DLG2: variants seen among roughly 807,000 people sequenced by gnomAD.
DLG2 encodes discs large MAGUK scaffold protein 2.
Under a neutral mutation model 132.5 loss-of-function variants are expected in DLG2, and 45 were observed. The observed-to-expected ratio is 0.34, with a 90% CI of 0.27 to 0.44. DLG2 has a LOEUF of 0.44. Among genes scored for constraint, DLG2 ranks in the 20% least tolerant of loss-of-function variants. DLG2 has a pLI of 1.00. For synonymous variants in DLG2, 424 were observed against 419.6 expected, an observed-to-expected ratio of 1.01 and a Z score of -0.13; for missense variants, 1,045 against 1,196.9, an observed-to-expected ratio of 0.87 and a Z score of 1.87.
At chr11:83,639,540 A>G (rs1381348369) in intron 18 of DLG2, among the ~76,000 whole-genome samples, 1 of 134,308 alleles carries the variant, frequency 7.4e-6, no homozygotes, top group Admixed American at 8.4e-5. Context: ...TCTCACTCAT[A>G]GGTGGGAATT....
intron 6 of DLG2, among the ~76,000 whole-genome samples, chr11:84,624,374 ATAAC>A (rs2099618715): frequency 6.6e-6 from 1 of 152,194 alleles, no homozygotes; most frequent in South Asian, 2.1e-4. Flanking sequence ...CTTTATTTCA[ATAAC>A]TAAATTGATA....
chr11:85,425,152 TC>T (rs1314221370), intron 3 of DLG2, among the ~76,000 whole-genome samples: 1 of 152,184 alleles, frequency 6.6e-6, no homozygotes. Flanking sequence ...TTCCAGGTCT[TC>T]TGATAGATGT....
At chr11:85,618,677 T>C (rs2081502314) in intron 2 of DLG2, among the ~76,000 whole-genome samples, 1 of 152,128 alleles carries the variant, frequency 6.6e-6, no homozygotes, top group African/African-American at 2.4e-5. Flanking sequence ...ACAGAATCAT[T>C]CATATCCAAA....
chr11:84,789,047 CAA>C (rs1450802076), intron 6 of DLG2, among the ~76,000 whole-genome samples: 2 of 152,140 alleles, frequency 1.3e-5, no homozygotes, highest in Admixed American at 6.5e-5. Flanking sequence ...GGAAGTGAAA[CAA>C]AGAGAGACAT....
intron 3 of DLG2, among the ~76,000 whole-genome samples, chr11:85,399,438 T>G (rs997625198): frequency 1.3e-5 from 2 of 152,134 alleles, no homozygotes; most frequent in Non-Finnish European, 1.5e-5. Context: ...TATTTTAAAG[T>G]TCATATGGAA....
At chr11:84,010,441 T>C (rs1052706799) in intron 11 of DLG2, among the ~76,000 whole-genome samples, 2 of 151,920 alleles carry the variant, frequency 1.3e-5, no homozygotes, top group African/African-American at 4.8e-5. Context: ...TCCAGGTGCA[T>C]ACGACTACCC....
chr11:85,166,415 CA>C (rs1349769356), intron 4 of DLG2, among the ~76,000 whole-genome samples: 1 of 152,102 alleles, frequency 6.6e-6, no homozygotes, highest in African/African-American at 2.4e-5. Flanking sequence ...TAAATGCAAT[CA>C]TTTTTTTTTC....
intron 7 of DLG2, among the ~76,000 whole-genome samples, chr11:84,289,403 T>C (rs565582686): frequency 1.3e-5 from 2 of 152,078 alleles, no homozygotes; most frequent in Non-Finnish European, 2.9e-5. Context: ...AAAAATTTCA[T>C]TGTAGCACTG....
intron 3 of DLG2, among the ~76,000 whole-genome samples, chr11:85,498,930 C>T (rs766740270): frequency 7.9e-5 from 12 of 152,156 alleles, no homozygotes; most frequent in Non-Finnish European, 1.8e-4. Flanking sequence ...CTCTGGGACA[C>T]ATTTAAAGCA....
intron 3 of DLG2, chr11:85,336,022 G>T (rs1444667836): frequency 1.3e-5 from 2 of 152,144 alleles, no homozygotes; most frequent in Non-Finnish European, 2.9e-5. Flanking sequence ...CCCTTGTAAG[G>T]TTTCACTGAA....
At chr11:84,574,978 C>T (rs1297228536) in intron 6 of DLG2, among the ~76,000 whole-genome samples, 2 of 152,152 alleles carry the variant, frequency 1.3e-5, no homozygotes, top group Admixed American at 6.5e-5. Flanking sequence ...CATCCCTCCT[C>T]ACAATGACTC....
intron 9 of DLG2, among the ~76,000 whole-genome samples, chr11:84,134,259 G>A (rs2094522540): frequency 6.6e-6 from 1 of 152,048 alleles, no homozygotes; most frequent in Admixed American, 6.6e-5. Context: ...GGTAGAAACA[G>A]TCTTCCTGAG....
At chr11:84,117,246 T>C (rs1405655978) in intron 9 of DLG2, among the ~76,000 whole-genome samples, 1 of 152,232 alleles carries the variant, frequency 6.6e-6, no homozygotes, top group African/African-American at 2.4e-5. Context: ...AGTATATGTG[T>C]ATTTGCCTTA....
chr11:83,575,098 A>C (rs1386558336), intron 19 of DLG2, among the ~76,000 whole-genome samples: 1 of 152,228 alleles, frequency 6.6e-6, no homozygotes, highest in Non-Finnish European at 1.5e-5. Flanking sequence ...GGTAGTGAGC[A>C]GCTTTCATCT....
intron 3 of DLG2, among the ~76,000 whole-genome samples, chr11:85,591,045 G>A (rs1364349842): frequency 1.3e-5 from 2 of 152,148 alleles, no homozygotes; most frequent in Non-Finnish European, 2.9e-5. Flanking sequence ...GCCATCTGGT[G>A]ACATAAATCT....
chr11:84,988,616 C>T (rs2056760340), intron 6 of DLG2, among the ~76,000 whole-genome samples: 1 of 152,144 alleles, frequency 6.6e-6, no homozygotes, highest in Non-Finnish European at 1.5e-5. Context: ...TGAAGTAACT[C>T]AGGAATGGAA....
chr11:85,309,163 T>C (rs1349797624), intron 3 of DLG2, among the ~76,000 whole-genome samples: 2 of 152,090 alleles, frequency 1.3e-5, no homozygotes, highest in African/African-American at 4.8e-5. Context: ...TTTAGAGACA[T>C]GTACCAGAGC....
intron 6 of DLG2, among the ~76,000 whole-genome samples, chr11:84,921,038 A>G (rs1391452851): frequency 6.6e-6 from 1 of 152,198 alleles, no homozygotes; most frequent in Admixed American, 6.5e-5. Flanking sequence ...GAACCAAGTG[A>G]TAAGTAGTTC....
At chr11:85,480,933 G>C (rs1030400389) in intron 3 of DLG2, among the ~76,000 whole-genome samples, 2 of 152,186 alleles carry the variant, frequency 1.3e-5, no homozygotes, top group African/African-American at 4.8e-5. Flanking sequence ...AAACAGGATG[G>C]TGTAGCACAA....
Sources: gnomAD v4.1 joint callset for allele counts (sites outside exome capture counted in the v4.1 genomes callset) on GRCh38, gnomAD v4.1.1 for gene constraint, MANE v1.5 for transcripts, NCBI Gene and HGNC (gene_info 2026-07-23, HGNC 2026-07-21) for gene names.